The following TNFRSF10D variants were observed in gnomAD, a reference collection of about 807,000 sequenced individuals.
TNFRSF10D encodes the protein TNF receptor superfamily member 10d, also known as tumor necrosis factor receptor superfamily member 10D.
Under a neutral mutation model 42.1 loss-of-function variants are expected in TNFRSF10D, and 28 were observed. The observed-to-expected ratio is 0.66, with a 90% CI of 0.49 to 0.91. The LOEUF (loss-of-function observed/expected upper bound fraction) is 0.91, where lower values mean the gene tolerates loss of function less well. Among genes scored for constraint, TNFRSF10D ranks in the 40% least tolerant of loss-of-function variants. The pLI, the probability that TNFRSF10D is intolerant of heterozygous loss-of-function variation, is 0.00. For synonymous variants in TNFRSF10D, 186 were observed against 189.4 expected (o/e 0.98, Z 0.15); for missense variants, 503 against 486.1 (o/e 1.03, Z -0.33).
chr8:23,145,169 G>A, intron 5 of TNFRSF10D, 80 bp from the exon 6 acceptor site: 3 of 1,581,572 alleles, frequency 1.9e-6, no homozygotes, highest in Admixed American at 1.8e-5. Context: ...GGGGCGCAGG[G>A]CTGGCTGGGG....
intron 3 of TNFRSF10D, among the ~76,000 whole-genome samples, chr8:23,148,231 C>CTT (rs768474408): frequency 2.0e-5 from 3 of 151,116 alleles, no homozygotes; most frequent in Non-Finnish European, 4.4e-5. Flanking sequence ...AAGAGTGAAA[C>CTT]TGTCTTCAAA....
In TNFRSF10D at chr8:23,137,985, G is replaced by A. The variant is rs1249041402; in HGVS notation, c.1046C>T (p.Ala349Val). ...DSADISTLLDASATLEEGHAK... is the reference protein window; with the variant it reads ...DSADISTLLDVSATLEEGHAK... The stretch of plus-strand genomic sequence containing the variant: ...ATGTCCTTCTTCCAGTGTTGCCGAG[G>A]CATCCAGCAAGGTGCTGACTGAGAA... Residue 349 changes from alanine (A) to valine (V), a missense_variant, in exon 9 of 9, where the codon GCC becomes GTC. Transcript: ENST00000312584. 2 of 1,614,170 alleles carry A rather than the reference G, an allele frequency of 1.2e-6. No homozygotes were observed. The highest frequency in any genetic ancestry group is 3.3e-5 in the Admixed American group (2 of 60,020).
At chr8:23,145,522 G>A (rs1800105802) in intron 5 of TNFRSF10D, 146 bp downstream of exon 5, 1 of 1,233,996 alleles carries the variant, frequency 8.1e-7, no homozygotes, top group Non-Finnish European at 1.1e-6. Flanking sequence ...CAGGACGTGG[G>A]GATGGGGCGA....
intron 2 of TNFRSF10D, 62 bp from the exon 3 acceptor site, chr8:23,148,613 G>T: frequency 2.3e-6 from 3 of 1,307,172 alleles, no homozygotes; most frequent in African/African-American, 1.5e-5. Context: ...GCTGACAATG[G>T]CTGGCAAATT....
intron 1 of TNFRSF10D, among the ~76,000 whole-genome samples, chr8:23,163,346 G>C (rs532285433): frequency 1.3e-5 from 2 of 152,002 alleles, no homozygotes; most frequent in African/African-American, 4.8e-5. Flanking sequence ...CAGGTGATCC[G>C]CCCGCCTCGG....
At chr8:23,138,923 A>T (rs189821644) in intron 7 of TNFRSF10D, among the ~76,000 whole-genome samples, 690 of 152,064 alleles carry the variant, frequency 4.5e-3, no homozygotes, top group African/African-American at 0.016. Context: ...TTCCCCAGAA[A>T]TCAAATCAGG....
At chr8:23,162,694 G>A (rs1312151184) in intron 1 of TNFRSF10D, among the ~76,000 whole-genome samples, 352 of 151,102 alleles carry the variant, frequency 2.3e-3, no homozygotes, top group African/African-American at 7.4e-3. Context: ...GCCTAAGGAA[G>A]GGGCCATCCC....
intron 3 of TNFRSF10D, among the ~76,000 whole-genome samples, chr8:23,147,815 T>C (rs7819250): frequency 6.6e-6 from 1 of 151,562 alleles, no homozygotes; most frequent in African/African-American, 2.4e-5. Flanking sequence ...GTAAGCCCAG[T>C]ACTTTGGGAG....
intron 1 of TNFRSF10D, among the ~76,000 whole-genome samples, chr8:23,157,704 T>A (rs1298147488): frequency 6.6e-6 from 1 of 152,210 alleles, no homozygotes; most frequent in Non-Finnish European, 1.5e-5. Flanking sequence ...ACTAGGCATA[T>A]ACAATTTGTG....
chr8:23,151,962 C>T (rs1420010392), intron 2 of TNFRSF10D, among the ~76,000 whole-genome samples: 1 of 152,166 alleles, frequency 6.6e-6, no homozygotes, highest in Non-Finnish European at 1.5e-5. Flanking sequence ...TCACAGGAAA[C>T]TTATTTGTCC....
At chr8:23,162,831 A>T (rs560986123) in intron 1 of TNFRSF10D, among the ~76,000 whole-genome samples, 2 of 152,300 alleles carry the variant, frequency 1.3e-5, no homozygotes, top group East Asian at 3.9e-4. Flanking sequence ...TACAAAAAAC[A>T]GCGTTGGAAA....
chr8:23,155,398 C>CACTG (rs1182664539), intron 1 of TNFRSF10D, among the ~76,000 whole-genome samples: 1 of 151,934 alleles, frequency 6.6e-6, no homozygotes, highest in Non-Finnish European at 1.5e-5. Context: ...AGGAACACAC[C>CACTG]ACTGTAGTTG....
intron 2 of TNFRSF10D, among the ~76,000 whole-genome samples, chr8:23,150,870 A>G (rs528650856): frequency 6.1e-3 from 922 of 152,198 alleles, no homozygotes; most frequent in African/African-American, 0.019. Context: ...GGAAGAAAAA[A>G]AAAATAAAGA....
chr8:23,163,839 G>A lies in TNFRSF10D; in HGVS notation c.97C>T (p.Leu33=), dbSNP rs1345415256. ...ACGAACTTAAGGATCTTGGGGTCCA[G>A]GAGCCATGGTCTGGTTCCCGACGCT... The part of the protein sequence containing the change: ...RTASGTRPWL[L]DPKILKFVVF... Residue 33 remains leucine, a synonymous_variant, in exon 1 of 9, where the codon CTG becomes TTG. Transcript: ENST00000312584. The A allele has an allele frequency of 1.2e-6, 2 of 1,608,244 alleles. No homozygotes were observed. The highest frequency in any genetic ancestry group is 1.7e-6 in the Non-Finnish European group (2 of 1,178,194).
rs1358252389 is a variant in TNFRSF10D at position 23,164,013 on chromosome 8, T to A, written c.-78A>T. The A allele has an allele frequency of 1.4e-6, 2 of 1,452,730 alleles. No homozygotes were observed. Among genetic ancestry groups the A allele is most frequent in the African/African-American group, 2.9e-5 (2 of 68,844 alleles). The allele number at this position is 1,452,730 out of a possible 1,614,324, so 90.0% of individuals were successfully genotyped here. A position where few individuals can be genotyped will look rare whatever the true frequency, so the allele number is the denominator to read the frequency against. ...CCGTAGTTTGTGCGCGTGCAAAGGT[T>A]CTCGCAGCTACACTGCCAGAATAGA... On this transcript the variant is annotated 5_prime_UTR_variant, in exon 1 of 9. Coordinates refer to ENST00000312584, the MANE Select transcript of TNFRSF10D (RefSeq NM_003840.5).
intron 7 of TNFRSF10D, among the ~76,000 whole-genome samples, chr8:23,142,256 G>C (rs1411914926): frequency 6.7e-6 from 1 of 148,786 alleles, no homozygotes; most frequent in Non-Finnish European, 1.5e-5. Context: ...GGGTGACAGA[G>C]CGAGACTCCC....
chr8:23,154,462 G>A (rs977903022), intron 2 of TNFRSF10D, among the ~76,000 whole-genome samples: 2 of 152,130 alleles, frequency 1.3e-5, no homozygotes, highest in African/African-American at 4.8e-5. Flanking sequence ...TCATTTCTAG[G>A]TTACTTGTAA....
At chr8:23,154,795 A>T (rs957910824) in intron 2 of TNFRSF10D, 79 bp downstream of exon 2, 16 of 1,389,504 alleles carry the variant, frequency 1.2e-5, no homozygotes, top group Non-Finnish European at 1.6e-5. Flanking sequence ...ATTTCCAAAC[A>T]TCATGGTGTA....
chr8:23,138,201 A>G lies in TNFRSF10D; in HGVS notation c.1014T>C (p.Ala338=), dbSNP rs1458137518. The G allele has an allele frequency of 6.2e-7, 1 of 1,614,090 alleles. No homozygotes were observed. Among genetic ancestry groups the G allele is most frequent in the African/African-American group, 1.3e-5 (1 of 74,936 alleles). ...RRRLLVPVND[A]DSADISTLLD... is the part of the protein sequence containing the mutation. ...CAAAACACTTACTGTCAGCGGAGTC[A>G]GCGTCATTCACTGGAACCAGCAGCC... Residue 338 remains alanine (A), a synonymous_variant, in exon 8 of 9, where the codon GCT becomes GCC. Coordinates refer to ENST00000312584, the MANE Select transcript of TNFRSF10D (RefSeq NM_003840.5).
Sources: allele counts gnomAD v4.1 joint callset (sites outside exome capture counted in the v4.1 genomes callset), GRCh38; gene constraint gnomAD v4.1.1; transcripts MANE v1.5; gene names NCBI Gene and HGNC (gene_info 2026-07-23, HGNC 2026-07-21).